Variants in OR6N1 observed in about 807,000 individuals in gnomAD.
OR6N1 encodes the protein olfactory receptor family 6 subfamily N member 1.
For missense variants in OR6N1, 394 were observed against 371.7 expected (o/e 1.06, Z -0.49); for synonymous variants, 170 against 150.7 (o/e 1.13, Z -0.94).
At chr1:158,822,023 T>G in the OR6N1 span, among the ~76,000 whole-genome samples, 1 of 152,328 alleles carries the variant, frequency 6.6e-6, no homozygotes, top group African/African-American at 2.4e-5. Flanking sequence ...TCCCTGTGAA[T>G]ATATGATGTT....
At chr1:158,828,574 A>G in the OR6N1 span, among the ~76,000 whole-genome samples, 1 of 152,222 alleles carries the variant, frequency 6.6e-6, no homozygotes, top group Non-Finnish European at 1.5e-5. Context: ...GTGGTTTTGC[A>G]GGGAACAGCC....
At chr1:158,784,069 G>C in the OR6N1 span, among the ~76,000 whole-genome samples, 2 of 152,118 alleles carry the variant, frequency 1.3e-5, no homozygotes, top group African/African-American at 4.8e-5. Context: ...TCTCGCCACT[G>C]CACTGCAGCC....
At chr1:158,767,837 TTTC>T (rs1340097591) in intron 1 of OR6N1, among the ~76,000 whole-genome samples, 1 of 152,160 alleles carries the variant, frequency 6.6e-6, no homozygotes, top group African/African-American at 2.4e-5. Context: ...TCTCTTTAAG[TTTC>T]TTCTTAAACC....
At chr1:158,824,902 A>C in the OR6N1 span, among the ~76,000 whole-genome samples, 2 of 152,188 alleles carry the variant, frequency 1.3e-5, no homozygotes, top group Non-Finnish European at 2.9e-5. Context: ...TGGACATAGG[A>C]CCTGAAAAAG....
At chr1:158,772,977 A>T (rs1413843878), upstream of OR6N1, among the ~76,000 whole-genome samples, 1 of 152,212 alleles carries the variant, frequency 6.6e-6, no homozygotes, top group Non-Finnish European at 1.5e-5. Flanking sequence ...TAAAAAATTT[A>T]AAAAGTATAA....
chr1:158,825,009 C>G, the OR6N1 span, among the ~76,000 whole-genome samples: 1 of 152,176 alleles, frequency 6.6e-6, no homozygotes, highest in Admixed American at 6.5e-5. Context: ...GCAAAAGAAA[C>G]TGTCAACAGA....
chr1:158,817,648 G>C, the OR6N1 span, among the ~76,000 whole-genome samples: 27,849 of 152,126 alleles, frequency 0.18, 2,754 homozygotes, highest in Admixed American at 0.27. Flanking sequence ...TAATGAGAAG[G>C]AAGAGAGAAC....
At chr1:158,810,452 T>G in the OR6N1 span, among the ~76,000 whole-genome samples, 1 of 152,162 alleles carries the variant, frequency 6.6e-6, no homozygotes. Context: ...CTGGAGTTGC[T>G]AAGTGTGTAA....
At chr1:158,772,481 G>A (rs1440251422), upstream of OR6N1, among the ~76,000 whole-genome samples, 2 of 152,210 alleles carry the variant, frequency 1.3e-5, no homozygotes, top group African/African-American at 2.4e-5. Context: ...TGAAAACTAG[G>A]TTCAAATGGG....
At chr1:158,814,952 C>G in the OR6N1 span, among the ~76,000 whole-genome samples, 1 of 152,112 alleles carries the variant, frequency 6.6e-6, no homozygotes, top group Non-Finnish European at 1.5e-5. Flanking sequence ...TCAGGATCCA[C>G]TTGGTCATTC....
At chr1:158,784,626 T>C in the OR6N1 span, among the ~76,000 whole-genome samples, 1 of 152,180 alleles carries the variant, frequency 6.6e-6, no homozygotes, top group African/African-American at 2.4e-5. Flanking sequence ...TCTATTTCTA[T>C]GAGATCAGTT....
the OR6N1 span, among the ~76,000 whole-genome samples, chr1:158,789,476 C>T: frequency 2.0e-5 from 3 of 152,248 alleles, no homozygotes; most frequent in African/African-American, 7.2e-5. Flanking sequence ...TGAGCATTCC[C>T]CTTTTTCTAC....
Position 158,764,339 on chromosome 1 carries a change from T to C in OR6N1, c.*1405A>G, listed in dbSNP as rs925859952. On this transcript the variant is annotated 3_prime_UTR_variant, in exon 2 of 2. Coordinates refer to ENST00000641846, the MANE Select transcript of OR6N1 (RefSeq NM_001005185.2). ...AATGCATGTTTATCTTAATACTACT[T>C]CCCACAATTATAATTAATTATAACT... 6.6e-6 allele frequency: 1 copy of C among 151,262 alleles called. No homozygotes were observed. The highest frequency in any genetic ancestry group is 1.5e-5 in the Non-Finnish European group (1 of 67,772). The allele number at this position is 151,262 out of a possible 1,614,324, so 9.4% of individuals were successfully genotyped here.
chr1:158,817,020 T>A, the OR6N1 span, among the ~76,000 whole-genome samples: 4 of 152,188 alleles, frequency 2.6e-5, no homozygotes, highest in Admixed American at 2.0e-4. Flanking sequence ...TCAGTAACAT[T>A]TTTATATTCA....
At chr1:158,836,557 T>C in the OR6N1 span, among the ~76,000 whole-genome samples, 4 of 151,988 alleles carry the variant, frequency 2.6e-5, no homozygotes, top group African/African-American at 9.7e-5. Context: ...TTCTGTGAAA[T>C]CTGTTGTAAT....
chr1:158,787,635 T>TCTCTCTCACGCACACACA, the OR6N1 span, among the ~76,000 whole-genome samples: 1 of 134,210 alleles, frequency 7.5e-6, no homozygotes, highest in South Asian at 2.5e-4. Context: ...TCTCTCTCTC[T>TCTCTCTCACGCACACACA]CACACACACA....
chr1:158,767,169 C>A (rs1657297159), intron 1 of OR6N1, among the ~76,000 whole-genome samples: 1 of 152,116 alleles, frequency 6.6e-6, no homozygotes, highest in African/African-American at 2.4e-5. Context: ...TCTTCTTCAA[C>A]TTTCTGGCTA....
chr1:158,835,003 G>C, the OR6N1 span, among the ~76,000 whole-genome samples: 1 of 152,014 alleles, frequency 6.6e-6, no homozygotes, highest in Non-Finnish European at 1.5e-5. Context: ...ATACCACACT[G>C]TTTTGATTAT....
rs980871184 is a variant in OR6N1 at position 158,766,451 on chromosome 1, T to C, written c.232A>G (p.Ile78Val). Residue 78 changes from isoleucine to valine, a missense_variant, in exon 2 of 2, where the codon ATC becomes GTC. By Grantham distance (29) the Ile-to-Val change is conservative. Coordinates refer to ENST00000641846, the MANE Select transcript of OR6N1 (RefSeq NM_001005185.2). ...AGCAAGTTTGCCAGCATCTTAGGGA[T>C]GGTGGCAGCTGTATAGCCAAGCTCT... Reference protein sequence around the residue: ...FSELGYTAATIPKMLANLLSE... With the variant: ...FSELGYTAATVPKMLANLLSE... 6.2e-7 allele frequency: 1 copy of C among 1,614,116 alleles called. No individual in the cohort carries two copies. Among genetic ancestry groups the C allele is most frequent in the Non-Finnish European group, 8.5e-7 (1 of 1,180,002 alleles).
Sources: gnomAD v4.1 joint callset for allele counts (sites outside exome capture counted in the v4.1 genomes callset) on GRCh38, gnomAD v4.1.1 for gene constraint, MANE v1.5 for transcripts, NCBI Gene and HGNC (gene_info 2026-07-23, HGNC 2026-07-21) for gene names.